The following EVC2 variants were observed in gnomAD, a reference collection of about 807,000 sequenced individuals.
EVC2 encodes limbin.
In EVC2, 148 loss-of-function variants were observed where a neutral mutation model predicts 149.3. The observed-to-expected ratio is 0.99, with a 90% CI of 0.87 to 1.14. EVC2 has a LOEUF of 1.14. Ranked by LOEUF, EVC2 falls within the 50% of genes most tolerant of loss-of-function variation. The pLI is 0.00. For synonymous variants in EVC2, 776 were observed against 649.9 expected, an observed-to-expected ratio of 1.19 and a Z score of -2.95; for missense variants, 1,854 against 1,627.3, an observed-to-expected ratio of 1.14 and a Z score of -2.40.
At chr4:5,664,963 T>TGGGGTGCGTGTGGGTGAC (rs1719160929) in intron 8 of EVC2, among the ~76,000 whole-genome samples, 1 of 139,732 alleles carries the variant, frequency 7.2e-6, no homozygotes, top group Non-Finnish European at 1.5e-5. Context: ...GTGTGGGTGA[T>TGGGGTGCGTGTGGGTGAC]GGGGTGCGTG....
upstream of EVC2, chr4:5,709,333 T>C (rs1432982314): frequency 1.3e-5 from 2 of 152,264 alleles, no homozygotes; most frequent in African/African-American, 4.8e-5. Flanking sequence ...CATCCCTGCC[T>C]AGGTCCTGGG....
chr4:5,637,785 G>A lies in EVC2; in HGVS notation c.1470+2729C>T, dbSNP rs914938806. On this transcript the variant is annotated intron_variant, in intron 10 of 21. Coordinates refer to ENST00000344408, the MANE Select transcript of EVC2 (RefSeq NM_147127.5). The surrounding 1 kb of genome is among the most constrained non-coding windows in gnomAD (Gnocchi z 4.4). The stretch of plus-strand genomic sequence containing the variant: ...GCAGAATGAATGATCCTCTGCCACT[G>A]AGTTGTGGGATGGGCTTCTCTCTTT... 5.9e-5 allele frequency among the ~76,000 whole-genome samples: 9 copies of A among 151,440 alleles called. No homozygotes were observed. Among genetic ancestry groups the A allele is most frequent in the Non-Finnish European group, 1.0e-4 (7 of 67,882 alleles).
chr4:5,585,273 G>T (rs1712174154), intron 16 of EVC2, among the ~76,000 whole-genome samples: 2 of 152,120 alleles, frequency 1.3e-5, no homozygotes, highest in Admixed American at 1.3e-4. Context: ...GCACAACTGG[G>T]AATGCCCTTC....
chr4:5,606,916 G>A (rs188809083), intron 16 of EVC2, among the ~76,000 whole-genome samples: 108 of 152,280 alleles, frequency 7.1e-4, no homozygotes, highest in Non-Finnish European at 1.1e-3. Flanking sequence ...CTTGCTCAAG[G>A]TCACACAGCT....
At chr4:5,594,733 G>A (rs569898783) in intron 16 of EVC2, among the ~76,000 whole-genome samples, 9 of 152,354 alleles carry the variant, frequency 5.9e-5, no homozygotes, top group South Asian at 4.1e-4. Flanking sequence ...TGACTTGGAC[G>A]AGTTGAGAGA....
intron 21 of EVC2, among the ~76,000 whole-genome samples, chr4:5,555,469 C>T (rs1033110272): frequency 6.6e-6 from 1 of 152,022 alleles, no homozygotes; most frequent in African/African-American, 2.4e-5. Flanking sequence ...GAAAGATATA[C>T]CTTGCTAACA....
downstream of EVC2, among the ~76,000 whole-genome samples, chr4:5,541,444 C>T (rs145267178): frequency 6.8e-3 from 1,033 of 152,250 alleles, 13 homozygotes; most frequent in African/African-American, 0.024. Flanking sequence ...CAGTGAAAGA[C>T]GATGTTTGAG....
Position 5,584,611 on chromosome 4 carries a change from G to A in EVC2, c.3057+12C>T, listed in dbSNP as rs374691930. 1.3e-4 allele frequency: 206 copies of A among 1,610,314 alleles called. 1 individual carries two copies. The highest frequency in any genetic ancestry group is 8.9e-4 in the South Asian group (80 of 90,242). The stretch of plus-strand genomic sequence containing the variant: ...GCTCTGTCCCCCTCTCCTTCCCAGC[G>A]CCTGCACTCACCCGGCTGTGCGACT... On this transcript the variant is annotated intron_variant, in intron 17 of 21. Transcript: ENST00000344408.
rs758200330 is a variant in EVC2 at position 5,622,573 on chromosome 4, T to TG, written c.2464dup (p.Gln822ProfsTer24). On this transcript the variant is annotated frameshift_variant, in exon 14 of 22. Coordinates refer to ENST00000344408, the MANE Select transcript of EVC2 (RefSeq NM_147127.5). LOFTEE classifies it high-confidence loss of function. The surrounding 1 kb of genome is among the most constrained non-coding windows in gnomAD (Gnocchi z 5.8). ...GTGCTCCCAGCGTCGCAGCTCTGCC[T>TG]GCTCCTCTGTCACGGCCTCAGGAGC... 1 of 1,614,012 alleles carries TG rather than the reference T, an allele frequency of 6.2e-7. No individual in the cohort carries two copies. The highest frequency in any genetic ancestry group is 1.1e-5 in the South Asian group (1 of 91,056).
intron 7 of EVC2, among the ~76,000 whole-genome samples, chr4:5,676,436 G>A (rs1012050841): frequency 6.6e-6 from 1 of 152,186 alleles, no homozygotes. Flanking sequence ...CAGGGGTGCT[G>A]CCACCCTCCT....
At chr4:5,594,361 C>T (rs1403837567) in intron 16 of EVC2, among the ~76,000 whole-genome samples, 2 of 152,168 alleles carry the variant, frequency 1.3e-5, no homozygotes, top group African/African-American at 4.8e-5. Flanking sequence ...GCCGGGTACT[C>T]CTCTGAGACA....
At chr4:5,617,418 GC>G (rs1319466678) in intron 15 of EVC2, among the ~76,000 whole-genome samples, 1 of 152,180 alleles carries the variant, frequency 6.6e-6, no homozygotes, top group Non-Finnish European at 1.5e-5. Flanking sequence ...TTTAAGAGAA[GC>G]CCCGATGTTT....
At chr4:5,675,812 T>G (rs1719945927) in intron 7 of EVC2, among the ~76,000 whole-genome samples, 3 of 152,000 alleles carry the variant, frequency 2.0e-5, no homozygotes, top group Admixed American at 6.6e-5. Flanking sequence ...GGCCTGGTGG[T>G]GGGTGCCTGT....
intron 17 of EVC2, among the ~76,000 whole-genome samples, chr4:5,577,351 C>T (rs1722994172): frequency 1.3e-5 from 2 of 152,200 alleles, no homozygotes; most frequent in South Asian, 2.1e-4. Flanking sequence ...AAACTGTCCA[C>T]AGCCTGCTTA....
chr4:5,622,377 C>T lies in EVC2; in HGVS notation c.2501+160G>A, dbSNP rs1310701004. ...GGTCCTGCGTGACATTCGAGGTCCT[C>T]CCCCCGGGGCGTTGAGTTTATATGA... On this transcript the variant is annotated intron_variant, in intron 14 of 21. Transcript: ENST00000344408. This position sits in a 1 kb window ranked among gnomAD's most constrained non-coding sequence, Gnocchi z 5.8. 3.9e-5 allele frequency among the ~76,000 whole-genome samples: 6 copies of T among 151,952 alleles called. No individual in the cohort carries two copies. The highest frequency in any genetic ancestry group is 7.4e-5 in the Non-Finnish European group (5 of 67,984).
rs146359650 is a variant in EVC2 at position 5,606,728 on chromosome 4, C to T, written c.2829+8694G>A. ...GAACAAGCAGATAAGGACATTGAAA[C>T]AGCAATTAGAAAAAGAAACGAGGTG... On this transcript the variant is annotated intron_variant, in intron 16 of 21. Coordinates refer to ENST00000344408, the MANE Select transcript of EVC2 (RefSeq NM_147127.5). Among the ~76,000 whole-genome samples the T allele has an allele frequency of 4.5e-3, 680 of 152,194 alleles. 4 individuals carry two copies. The highest frequency in any genetic ancestry group is 0.011 in the African/African-American group (443 of 41,542).
At chr4:5,575,276 T>G (rs975440345) in intron 18 of EVC2, among the ~76,000 whole-genome samples, 4 of 152,234 alleles carry the variant, frequency 2.6e-5, no homozygotes, top group Admixed American at 6.5e-5. Context: ...GTGCTCTTCC[T>G]GGCTAATACA....
At chr4:5,642,919 T>C (rs1439944946) in intron 9 of EVC2, among the ~76,000 whole-genome samples, 1 of 152,242 alleles carries the variant, frequency 6.6e-6, no homozygotes, top group Non-Finnish European at 1.5e-5. Context: ...TTTGAGCAAT[T>C]TAAAGCAAAT....
At chr4:5,585,525 T>A (rs1330929597) in intron 16 of EVC2, among the ~76,000 whole-genome samples, 1 of 152,188 alleles carries the variant, frequency 6.6e-6, no homozygotes, top group Non-Finnish European at 1.5e-5. Flanking sequence ...TGCCTACGCT[T>A]CTTCATCTAT....
Sources: allele counts gnomAD v4.1 joint callset (sites outside exome capture counted in the v4.1 genomes callset), GRCh38; gene constraint gnomAD v4.1.1; non-coding constraint Gnocchi (gnomAD v3.1); transcripts MANE v1.5; gene names NCBI Gene and HGNC (gene_info 2026-07-23, HGNC 2026-07-21).